The following ARNT2 variants were observed in gnomAD, a reference collection of about 807,000 sequenced individuals.
ARNT2 encodes aryl hydrocarbon receptor nuclear translocator 2.
ARNT2 carries 36 observed loss-of-function variants against 91.7 expected under a neutral mutation model. The ratio of observed to expected loss-of-function variants is 0.39; its 90% CI spans 0.30 to 0.52. The LOEUF is 0.52. Among genes scored for constraint, ARNT2 ranks in the 20% least tolerant of loss-of-function variants. ARNT2 has a pLI of 0.72. For missense variants in ARNT2, 775 were observed against 939.3 expected (o/e 0.83, Z 2.29); for synonymous variants, 365 against 347.1 (o/e 1.05, Z -0.57).
intron 12 of ARNT2, among the ~76,000 whole-genome samples, chr15:80,573,287 T>C (rs893160057): frequency 6.6e-6 from 1 of 152,272 alleles, no homozygotes; most frequent in African/African-American, 2.4e-5. Context: ...ATCTATTATA[T>C]ATACGTTATT....
chr15:80,559,207 A>G (rs1208256702), intron 11 of ARNT2, among the ~76,000 whole-genome samples: 6 of 152,230 alleles, frequency 3.9e-5, no homozygotes, highest in African/African-American at 1.2e-4. Context: ...CAAAGAAGGA[A>G]TTTAACATCT....
chr15:80,451,868 G>A (rs148837458), intron 2 of ARNT2, among the ~76,000 whole-genome samples: 4 of 152,276 alleles, frequency 2.6e-5, no homozygotes, highest in African/African-American at 7.2e-5. Context: ...TTTTATTTTC[G>A]ATGCACTATT....
At chr15:80,476,375 T>A (rs1040483675) in intron 5 of ARNT2, among the ~76,000 whole-genome samples, 2 of 152,344 alleles carry the variant, frequency 1.3e-5, no homozygotes, top group Non-Finnish European at 2.9e-5. Context: ...ATCTAGTTTT[T>A]CTTACAGATA....
At chr15:80,460,080 G>T (rs2141386976) in intron 3 of ARNT2, among the ~76,000 whole-genome samples, 1 of 152,266 alleles carries the variant, frequency 6.6e-6, no homozygotes, top group African/African-American at 2.4e-5. Context: ...TTACAATCAG[G>T]CAACAGAAGC....
chr15:80,457,006 C>G (rs954584908), intron 2 of ARNT2, among the ~76,000 whole-genome samples: 1 of 152,210 alleles, frequency 6.6e-6, no homozygotes, highest in East Asian at 1.9e-4. Context: ...GCTCCACTCA[C>G]GTGGATGTCC....
chr15:80,565,289 G>A (rs1245338994), intron 12 of ARNT2, among the ~76,000 whole-genome samples: 1 of 152,130 alleles, frequency 6.6e-6, no homozygotes, highest in Non-Finnish European at 1.5e-5. Flanking sequence ...TTTCCTATTA[G>A]GAATAGTGTT....
At chr15:80,474,021 A>AAGG (rs1896767356) in intron 4 of ARNT2, among the ~76,000 whole-genome samples, 1 of 152,178 alleles carries the variant, frequency 6.6e-6, no homozygotes, top group South Asian at 2.1e-4. Flanking sequence ...CATGGATTAC[A>AAGG]GTGTCTAGGG....
At position 80,522,760 on chromosome 15, in the gene ARNT2, C is replaced by CATATATATATAT. The variant is rs60138286; in HGVS notation, c.877+8364_877+8375dup. Reference sequence around the variant, plus strand: ...TAATGACTGTGTGACTGTACATACACATATATATATATATATATATCTGTT... The same window carrying CATATATATATAT: ...TAATGACTGTGTGACTGTACATACACATATATATATATATATATATATATATATATATCTGTT... On this transcript the variant is annotated intron_variant, in intron 8 of 18. Coordinates refer to ENST00000303329, the MANE Select transcript of ARNT2 (RefSeq NM_014862.4). Among the ~76,000 whole-genome samples, 1,361 of 144,440 alleles carry CATATATATATAT rather than the reference C, an allele frequency of 9.4e-3. 25 individuals carry two copies. The highest frequency in any genetic ancestry group is 0.033 in the African/African-American group (1,283 of 38,784). The allele number at this position is 144,440 out of a possible 152,430, so 94.8% of individuals were successfully genotyped here.
intron 11 of ARNT2, among the ~76,000 whole-genome samples, chr15:80,560,465 C>T (rs1898315977): frequency 6.6e-6 from 1 of 152,178 alleles, no homozygotes; most frequent in South Asian, 2.1e-4. Context: ...GAACTGCCCG[C>T]TCCCTTGTTC....
At chr15:80,536,590 G>C (rs1434871532) in intron 8 of ARNT2, among the ~76,000 whole-genome samples, 1 of 152,162 alleles carries the variant, frequency 6.6e-6, no homozygotes, top group Non-Finnish European at 1.5e-5. Flanking sequence ...TTTACAAGCT[G>C]TTCTTTGTTA....
intron 1 of ARNT2, among the ~76,000 whole-genome samples, chr15:80,435,548 C>A (rs1375830790): frequency 2.0e-5 from 3 of 152,174 alleles, no homozygotes; most frequent in East Asian, 3.9e-4. Context: ...AGCTGCCCCC[C>A]TCCCATGCAC....
chr15:80,474,924 A>G, intron 4 of ARNT2, 86 bp from the exon 5 acceptor site: 1 of 1,342,302 alleles, frequency 7.4e-7, no homozygotes, highest in Non-Finnish European at 1.0e-6. Context: ...CAGATAAAGG[A>G]AATTGAAGGC....
chr15:80,517,285 A>C (rs961582519), intron 8 of ARNT2, among the ~76,000 whole-genome samples: 1 of 152,118 alleles, frequency 6.6e-6, no homozygotes, highest in Non-Finnish European at 1.5e-5. Context: ...TCTTCTTGTT[A>C]ACATGGTTTC....
chr15:80,550,419 A>C (rs1445714225), intron 8 of ARNT2, among the ~76,000 whole-genome samples: 1 of 152,214 alleles, frequency 6.6e-6, no homozygotes, highest in Non-Finnish European at 1.5e-5. Context: ...ATTTGCGTTA[A>C]GTGTCATGCA....
chr15:80,515,296 A>G (rs1897414758), intron 8 of ARNT2, among the ~76,000 whole-genome samples: 1 of 152,252 alleles, frequency 6.6e-6, no homozygotes, highest in Non-Finnish European at 1.5e-5. Flanking sequence ...TGTTCATAGC[A>G]ACATCATTCA....
chr15:80,556,797 G>A (rs190961330), intron 11 of ARNT2: 4 of 152,242 alleles, frequency 2.6e-5, no homozygotes, highest in Admixed American at 1.3e-4. Context: ...TAAAAGCACC[G>A]TCCCGCCACA....
At chr15:80,475,973 T>C (rs190371819) in intron 5 of ARNT2, among the ~76,000 whole-genome samples, 12 of 152,312 alleles carry the variant, frequency 7.9e-5, no homozygotes, top group Admixed American at 1.3e-4. Context: ...TTCAAAACTA[T>C]AGGGCTTATC....
At chr15:80,490,837 G>A (rs1897046737) in intron 5 of ARNT2, among the ~76,000 whole-genome samples, 1 of 152,240 alleles carries the variant, frequency 6.6e-6, no homozygotes, top group Non-Finnish European at 1.5e-5. Flanking sequence ...ATGCATCATG[G>A]AGCTTTACCC....
intron 11 of ARNT2, 88 bp from the exon 12 acceptor site, chr15:80,563,000 C>G: frequency 6.7e-7 from 1 of 1,489,714 alleles, no homozygotes; most frequent in South Asian, 1.2e-5. Context: ...CTGGCCCCTG[C>G]CGCAACCCCA....
Sources: gnomAD v4.1 joint callset for allele counts (sites outside exome capture counted in the v4.1 genomes callset) on GRCh38, gnomAD v4.1.1 for gene constraint, MANE v1.5 for transcripts, NCBI Gene and HGNC (gene_info 2026-07-23, HGNC 2026-07-21) for gene names.